MYO1A: variants seen among roughly 807,000 people sequenced by gnomAD.
MYO1A encodes the protein unconventional myosin-Ia.
MYO1A carries 127 observed loss-of-function variants against 138.5 expected under a neutral mutation model. The observed-to-expected ratio is 0.92, with a 90% CI of 0.79 to 1.06. The LOEUF is 1.06. MYO1A is among the 50% of genes least tolerant of loss of function. The probability of loss-of-function intolerance (pLI) is 0.00; values close to 1 mark genes in which losing one functional copy is unlikely to be tolerated. For missense variants in MYO1A, 1,211 were observed against 1,288.8 expected (o/e 0.94, Z 0.92); for synonymous variants, 477 against 497.5 (o/e 0.96, Z 0.55).
At chr12:57,041,601 C>A in intron 12 of MYO1A, 104 bp from the exon 13 acceptor site, 1 of 937,904 alleles carries the variant, frequency 1.1e-6, no homozygotes. Context: ...ACAGAACTAG[C>A]AAGAGCTTTG....
chr12:57,046,357 A>G (rs2136457343), intron 8 of MYO1A, among the ~76,000 whole-genome samples, 195 bp downstream of exon 8: 1 of 152,262 alleles, frequency 6.6e-6, no homozygotes, highest in Admixed American at 6.5e-5. Context: ...GGAAGAGAAC[A>G]CAGGGGTAAA....
At chr12:57,031,363 G>A (rs565037611) in intron 22 of MYO1A, among the ~76,000 whole-genome samples, 189 bp from the exon 23 acceptor site, 24 of 152,300 alleles carry the variant, frequency 1.6e-4, no homozygotes, top group South Asian at 1.0e-3. Context: ...GCTTGAGGCC[G>A]GGAGGTAAGA....
chr12:57,036,243 C>T, intron 22 of MYO1A, 64 bp downstream of exon 22: 2 of 1,523,344 alleles, frequency 1.3e-6, no homozygotes, highest in Non-Finnish European at 1.8e-6. Flanking sequence ...CTTCTCAAAC[C>T]CCTCTCCCAA....
Position 57,038,655 on chromosome 12 carries a change from A to G in MYO1A, c.1534-17T>C, listed in dbSNP as rs1340190545. On this transcript the variant is annotated splice_polypyrimidine_tract_variant and intron_variant, in intron 16 of 27. Transcript: ENST00000300119. ...GTATGTCACCTGTAAAGGAGCAGCT[A>G]TTGGTTTGGAGACCCCACAACCTTG... 4.3e-6 allele frequency: 7 copies of G among 1,613,682 alleles called. No homozygotes were observed. Among genetic ancestry groups the G allele is most frequent in the Non-Finnish European group, 5.9e-6 (7 of 1,179,554 alleles).
chr12:57,044,808 G>C (rs1200403443), intron 8 of MYO1A, among the ~76,000 whole-genome samples: 1 of 152,144 alleles, frequency 6.6e-6, no homozygotes, highest in Non-Finnish European at 1.5e-5. Flanking sequence ...TACCCTCAGG[G>C]TTCTAAACAA....
At chr12:57,044,297 G>A (rs1592481862) in intron 8 of MYO1A, 88 bp from the exon 9 acceptor site, 2 of 1,015,828 alleles carry the variant, frequency 2.0e-6, no homozygotes, top group East Asian at 2.5e-5. Context: ...TTGCCCTAAT[G>A]GATTCATTCA....
At chr12:57,032,477 G>A (rs2030332655) in intron 22 of MYO1A, among the ~76,000 whole-genome samples, 1 of 152,216 alleles carries the variant, frequency 6.6e-6, no homozygotes, top group Non-Finnish European at 1.5e-5. Context: ...TAGACCCTGA[G>A]GCAGGAATGA....
chr12:57,042,287 G>C (rs2030893013), intron 12 of MYO1A, among the ~76,000 whole-genome samples: 1 of 152,138 alleles, frequency 6.6e-6, no homozygotes, highest in Admixed American at 6.5e-5. Flanking sequence ...TGTTTTCCAG[G>C]CTCATCAATC....
chr12:57,047,914 G>C, intron 3 of MYO1A, 75 bp downstream of exon 3: 2 of 1,574,540 alleles, frequency 1.3e-6, no homozygotes, highest in Admixed American at 1.8e-5. Context: ...TCAGGGGAAG[G>C]GACAAAGGAA....
Position 57,036,768 on chromosome 12 carries a change from T to C in MYO1A, c.2274+4A>G. 1 of 1,614,170 alleles carries C rather than the reference T, an allele frequency of 6.2e-7. No homozygotes were observed. Among genetic ancestry groups the C allele is most frequent in the Non-Finnish European group, 8.5e-7 (1 of 1,180,000 alleles). The stretch of plus-strand genomic sequence containing the variant: ...GAGGAAACCTCTCTTCCACTCTCCA[T>C]TACCTTCCACCCTCTCACAAAAGCC... On this transcript the variant is annotated splice_donor_region_variant and intron_variant, in intron 21 of 27. Coordinates refer to ENST00000300119, the MANE Select transcript of MYO1A (RefSeq NM_005379.4).
intron 14 of MYO1A, among the ~76,000 whole-genome samples, chr12:57,039,676 T>A (rs2030769916): frequency 6.6e-6 from 1 of 152,236 alleles, no homozygotes; most frequent in Non-Finnish European, 1.5e-5. Context: ...CGTGAGAGTT[T>A]ATCATCAAAC....
rs2031216110 is a variant in MYO1A at position 57,048,400 on chromosome 12, G to A, written c.-20-57C>T. ...CACTCAGCTTTAGGGGCCAGTAACT[G>A]TTTGAGGGGAGGATGGCAGAAGGAC... is the stretch of plus-strand genomic sequence containing the variant. On this transcript the variant is annotated intron_variant, in intron 1 of 27. Coordinates refer to ENST00000300119, the MANE Select transcript of MYO1A (RefSeq NM_005379.4). 4 of 1,020,904 alleles carry A rather than the reference G, an allele frequency of 3.9e-6. No homozygotes were observed. The South Asian group carries it at 3.9e-5, about 10-fold the overall frequency. The allele number at this position is 1,020,904 out of a possible 1,614,324, so 63.2% of individuals were successfully genotyped here.
At chr12:57,032,856 A>G (rs1284316776) in intron 22 of MYO1A, among the ~76,000 whole-genome samples, 1 of 152,218 alleles carries the variant, frequency 6.6e-6, no homozygotes, top group Non-Finnish European at 1.5e-5. Flanking sequence ...AAAATTCAAT[A>G]TAGCTTATTA....
chr12:57,038,290 G>A, intron 17 of MYO1A, 122 bp downstream of exon 17: 1 of 1,221,370 alleles, frequency 8.2e-7, no homozygotes, highest in Non-Finnish European at 1.2e-6. Context: ...TGTTTTCTGT[G>A]AGGAAAGGAC....
In MYO1A at chr12:57,037,966, G is replaced by A. The variant is rs753058903; in HGVS notation, c.1864C>T (p.Arg622Trp). Residue 622 changes from arginine (R) to tryptophan (W), a missense_variant, in exon 18 of 28, where the codon CGG (arginine) becomes TGG (tryptophan). Transcript: ENST00000300119. ...LGLLENVRVR[R>W]AGYAHRQGYG... is the part of the protein sequence containing the mutation. ...CCCTGGCGGTGGGCATAGCCTGCCC[G>A]TCGCACCCGTACGTTCTCCAGCAGT... 104 of 1,614,038 alleles carry A rather than the reference G, an allele frequency of 6.4e-5. No individual in the cohort carries two copies. The highest frequency in any genetic ancestry group is 8.8e-5 in the Non-Finnish European group (104 of 1,180,040).
Position 57,046,475 on chromosome 12 carries a change from G to C in MYO1A, c.640+77C>G, listed in dbSNP as rs528285233. The C allele has an allele frequency of 4.5e-4, 498 of 1,103,770 alleles. 4 individuals are homozygous for C. The South Asian group carries it at 5.8e-3, about 13-fold the overall frequency. The allele number at this position is 1,103,770 out of a possible 1,614,324, so 68.4% of individuals were successfully genotyped here. A position where few individuals can be genotyped will look rare whatever the true frequency, so the allele number is the denominator to read the frequency against. The stretch of plus-strand genomic sequence containing the variant: ...GCTGTAGGGGCCCAGAGGGAACAGG[G>C]GTTCTGGGACTGAATGGAGGTTGGG... On this transcript the variant is annotated intron_variant, in intron 8 of 27. Coordinates refer to ENST00000300119, the MANE Select transcript of MYO1A (RefSeq NM_005379.4).
intron 1 of MYO1A, among the ~76,000 whole-genome samples, chr12:57,049,294 T>A (rs115030966): frequency 5.8e-4 from 88 of 152,166 alleles, no homozygotes; most frequent in African/African-American, 2.0e-3. Flanking sequence ...GTAGGCAGAG[T>A]GGCCAGGCAC....
chr12:57,035,991 G>C (rs1379679747), intron 22 of MYO1A, among the ~76,000 whole-genome samples: 1 of 152,194 alleles, frequency 6.6e-6, no homozygotes, highest in Non-Finnish European at 1.5e-5. Context: ...TTCAACAGTT[G>C]TTAAACATCC....
rs770898901 is a variant in MYO1A at position 57,029,432 on chromosome 12, T to C, written c.2877+3A>G. ...CAAGGCTTGCCCCACCCAGCTCTGA[T>C]ACCTCACTCAGATGCAAGCTAAAGA... On this transcript the variant is annotated splice_donor_region_variant and intron_variant, in intron 26 of 27. Coordinates refer to ENST00000300119, the MANE Select transcript of MYO1A (RefSeq NM_005379.4). 2 of 1,614,098 alleles carry C rather than the reference T, an allele frequency of 1.2e-6. No homozygotes were observed. The highest frequency in any genetic ancestry group is 2.2e-5 in the South Asian group (2 of 91,086).
Sources: allele counts gnomAD v4.1 joint callset (sites outside exome capture counted in the v4.1 genomes callset), GRCh38; gene constraint gnomAD v4.1.1; transcripts MANE v1.5; gene names NCBI Gene and HGNC (gene_info 2026-07-23, HGNC 2026-07-21).